DDX60: variants seen among roughly 807,000 people sequenced by gnomAD.
DDX60 encodes probable ATP-dependent RNA helicase DDX60.
A neutral mutation model predicts 212.8 loss-of-function variants in DDX60; 165 were observed. That is an observed-to-expected ratio of 0.78 (90% CI 0.68 to 0.88). The LOEUF (loss-of-function observed/expected upper bound fraction) is 0.88. Among genes scored for constraint, DDX60 ranks in the 40% least tolerant of loss-of-function variants. DDX60 has a pLI of 0.00. For synonymous variants in DDX60, 703 were observed against 685.3 expected (o/e 1.03, Z -0.40); for missense variants, 1,905 against 2,003.9 (o/e 0.95, Z 0.94).
At chr4:168,218,455 T>C (rs1178343280) in intron 37 of DDX60, among the ~76,000 whole-genome samples, 1 of 152,192 alleles carries the variant, frequency 6.6e-6, no homozygotes, top group Non-Finnish European at 1.5e-5. Flanking sequence ...CTCTTCTGCA[T>C]CATATTTCAA....
chr4:168,312,522 G>C (rs914522329), intron 1 of DDX60, among the ~76,000 whole-genome samples: 6 of 152,090 alleles, frequency 3.9e-5, no homozygotes, highest in Admixed American at 3.9e-4. Context: ...CAAGAGAGGA[G>C]GAAGAATCCA....
intron 23 of DDX60, among the ~76,000 whole-genome samples, chr4:168,262,395 A>T (rs1734657735): frequency 6.6e-6 from 1 of 152,104 alleles, no homozygotes; most frequent in African/African-American, 2.4e-5. Context: ...AAGAAATATG[A>T]ATCTAAGGTG....
intron 9 of DDX60, 131 bp from the exon 10 acceptor site, chr4:168,287,334 A>C (rs1735904676): frequency 2.6e-6 from 2 of 756,992 alleles, no homozygotes; most frequent in Non-Finnish European, 4.3e-6. Context: ...AGTGAGTTCC[A>C]CACTGGACAT....
intron 25 of DDX60, among the ~76,000 whole-genome samples, chr4:168,257,665 A>G (rs1364779254): frequency 6.6e-6 from 1 of 152,222 alleles, no homozygotes; most frequent in Non-Finnish European, 1.5e-5. Context: ...ATCACTTAGA[A>G]ATAATGTTGC....
chr4:168,278,419 G>C (rs760935161), intron 14 of DDX60, among the ~76,000 whole-genome samples: 1 of 152,190 alleles, frequency 6.6e-6, no homozygotes, highest in Non-Finnish European at 1.5e-5. Flanking sequence ...CATTGAATCT[G>C]TATGAAGACT....
chr4:168,218,934 T>G (rs910190149), intron 37 of DDX60, among the ~76,000 whole-genome samples: 8 of 152,138 alleles, frequency 5.3e-5, no homozygotes, highest in African/African-American at 1.7e-4. Context: ...GGTCTATAAG[T>G]CAGCTTCTTT....
intron 24 of DDX60, among the ~76,000 whole-genome samples, chr4:168,261,576 T>C (rs2149511745): frequency 6.6e-6 from 1 of 152,322 alleles, no homozygotes; most frequent in East Asian, 1.9e-4. Context: ...GGTAAAGTTT[T>C]AATACACAAA....
intron 18 of DDX60, 104 bp downstream of exon 18, chr4:168,273,175 A>C: frequency 8.5e-7 from 1 of 1,173,100 alleles, no homozygotes; most frequent in Non-Finnish European, 1.2e-6. Context: ...AATTCAAATA[A>C]ATTATTTTCA....
chr4:168,287,289 G>A lies in DDX60; in HGVS notation c.1184-86C>T. ...TAGTCACATTTTGAGTAAATTCATG[G>A]AATTCTGAAATACTTTCCACATAGT... On this transcript the variant is annotated intron_variant, in intron 9 of 37. Coordinates refer to ENST00000393743, the MANE Select transcript of DDX60 (RefSeq NM_017631.6). 14 of 1,268,880 alleles carry A rather than the reference G, an allele frequency of 1.1e-5. No individual in the cohort carries two copies. The South Asian group carries it at 1.7e-4, about 16-fold the overall frequency. The allele number at this position is 1,268,880 out of a possible 1,614,324, so 78.6% of individuals were successfully genotyped here. A position where few individuals can be genotyped will look rare whatever the true frequency, so the allele number is the denominator to read the frequency against.
intron 30 of DDX60, among the ~76,000 whole-genome samples, chr4:168,239,144 T>G (rs1440292025): frequency 6.6e-6 from 1 of 152,130 alleles, no homozygotes; most frequent in Non-Finnish European, 1.5e-5. Flanking sequence ...TTACTGAATG[T>G]CTACATCAGA....
intron 5 of DDX60, among the ~76,000 whole-genome samples, chr4:168,303,820 A>G (rs750312520): frequency 6.6e-5 from 10 of 152,124 alleles, no homozygotes; most frequent in Non-Finnish European, 1.2e-4. Context: ...CGTCTCTACT[A>G]AAAACACAAA....
chr4:168,232,095 G>C (rs1733474479), intron 33 of DDX60, among the ~76,000 whole-genome samples: 1 of 151,926 alleles, frequency 6.6e-6, no homozygotes, highest in Non-Finnish European at 1.5e-5. Flanking sequence ...ATCAAATCAA[G>C]AACTCAGCCC....
intron 20 of DDX60, among the ~76,000 whole-genome samples, chr4:168,268,221 T>G (rs660435): frequency 0.48 from 72,213 of 151,956 alleles, 18,101 homozygotes; most frequent in African/African-American, 0.65. Context: ...AAATATGGTA[T>G]TCATATTGGA....
In DDX60 at chr4:168,255,854, A is replaced by G; in HGVS notation, c.3414T>C (p.Ala1138=). 1.3e-6 allele frequency: 2 copies of G among 1,580,796 alleles called. No homozygotes were observed. The highest frequency in any genetic ancestry group is 2.4e-5 in the South Asian group (2 of 84,536). Residue 1138 remains alanine, a synonymous_variant, in exon 26 of 38, where the codon GCT becomes GCC. Transcript: ENST00000393743. ...PALFFLFKLG[A]VENAAESVST... ...TCACACTTTCAGCTGCGTTTTCTAC[A>G]GCTCCTAACTTGAATCTGGAAATAA...
At chr4:168,268,999 T>TTTTCAGTTGA in intron 19 of DDX60, 30 bp from the exon 20 acceptor site, 3 of 1,246,862 alleles carry the variant, frequency 2.4e-6, no homozygotes, top group Non-Finnish European at 3.4e-6. Context: ...AAATCTCAAC[T>TTTTCAGTTGA]GAAAAGTTGA....
chr4:168,285,166 A>G (rs1025174107), intron 11 of DDX60, among the ~76,000 whole-genome samples: 1 of 152,218 alleles, frequency 6.6e-6, no homozygotes, highest in African/African-American at 2.4e-5. Flanking sequence ...TAATTCATTA[A>G]TTTAAAATAT....
chr4:168,253,016 G>A (rs536687212), intron 26 of DDX60, among the ~76,000 whole-genome samples: 20 of 152,176 alleles, frequency 1.3e-4, no homozygotes, highest in African/African-American at 4.6e-4. Flanking sequence ...TGTTGGCCAG[G>A]CTTGTCTTGA....
At chr4:168,324,101 G>C in the DDX60 span, among the ~76,000 whole-genome samples, 1 of 152,222 alleles carries the variant, frequency 6.6e-6, no homozygotes, top group Non-Finnish European at 1.5e-5. Flanking sequence ...CTTTCTACAA[G>C]TGAACTATGC....
At position 168,273,389 on chromosome 4, in the gene DDX60, T is replaced by C; in HGVS notation, c.2464A>G (p.Asn822Asp). 6.2e-7 allele frequency: 1 copy of C among 1,613,740 alleles called. No homozygotes were observed. The highest frequency in any genetic ancestry group is 1.3e-5 in the African/African-American group (1 of 75,022). ...TTCTGAACAGTTGCTGCCACTTGAT[T>C]AACAAGGGCCTGATTGACAAAGAAA... is the stretch of plus-strand genomic sequence containing the variant. ...VYVAPTKALVNQVAATVQNRF... is the reference protein window; with the variant it reads ...VYVAPTKALVDQVAATVQNRF... Residue 822 changes from asparagine to aspartate, a missense_variant, in exon 18 of 38, where the codon AAT becomes GAT. By Grantham distance (23) the Asn-to-Asp change is conservative. Coordinates refer to ENST00000393743, the MANE Select transcript of DDX60 (RefSeq NM_017631.6).
Sources: allele counts gnomAD v4.1 joint callset (sites outside exome capture counted in the v4.1 genomes callset), GRCh38; gene constraint gnomAD v4.1.1; transcripts MANE v1.5; gene names NCBI Gene and HGNC (gene_info 2026-07-23, HGNC 2026-07-21).